MYO10: variants seen among roughly 807,000 people sequenced by gnomAD.
The protein encoded by MYO10 is myosin X, also known as unconventional myosin-X.
A neutral mutation model predicts 257.3 loss-of-function variants in MYO10; 133 were observed. The observed-to-expected ratio is 0.52, with a 90% CI of 0.45 to 0.60. The LOEUF is 0.60. Among genes scored for constraint, MYO10 ranks in the 20% least tolerant of loss-of-function variants. The pLI is 0.00. For synonymous variants in MYO10, 1,104 were observed against 1,028.6 expected, an observed-to-expected ratio of 1.07 and a Z score of -1.40; for missense variants, 2,399 against 2,635.7, an observed-to-expected ratio of 0.91 and a Z score of 1.97.
Position 16,699,585 on chromosome 5 carries a change from G to C in MYO10, c.3433-12C>G, listed in dbSNP as rs772239987. The C allele has an allele frequency of 3.1e-6, 5 of 1,613,276 alleles. No homozygotes were observed. The South Asian group carries it at 5.5e-5, about 18-fold the overall frequency. On this transcript the variant is annotated splice_polypyrimidine_tract_variant and intron_variant, in intron 25 of 40. Coordinates refer to ENST00000513610, the MANE Select transcript of MYO10 (RefSeq NM_012334.3). ...TCACTATCTTCAAACTGGACCGAGAGAGAGAAGCCAACGGTGAGGGAAAAG... is the reference window on the plus strand; with the variant it reads ...TCACTATCTTCAAACTGGACCGAGACAGAGAAGCCAACGGTGAGGGAAAAG...
chr5:16,724,064 G>C (rs74591025), intron 19 of MYO10, among the ~76,000 whole-genome samples: 2,789 of 152,292 alleles, frequency 0.018, 82 homozygotes, highest in African/African-American at 0.064. Context: ...CGGAACTTTA[G>C]AGCACTAGAA....
intron 3 of MYO10, chr5:16,815,358 C>A: frequency 1.5e-6 from 1 of 671,788 alleles, no homozygotes; most frequent in Non-Finnish European, 2.7e-6. Context: ...AAAATATTCC[C>A]AATGAGCATT....
chr5:16,885,555 C>T (rs1004347742), intron 1 of MYO10, among the ~76,000 whole-genome samples: 1 of 152,008 alleles, frequency 6.6e-6, no homozygotes, highest in African/African-American at 2.4e-5. Flanking sequence ...TGCCTGTAAT[C>T]CCAGCTACTT....
chr5:16,711,298 A>G (rs1041920032), intron 19 of MYO10, 53 bp from the exon 20 acceptor site: 63 of 1,558,442 alleles, frequency 4.0e-5, no homozygotes, highest in Non-Finnish European at 5.2e-5. Context: ...ATGGAATTCG[A>G]TAAGGGAGGC....
chr5:16,761,948 T>G, intron 16 of MYO10, 97 bp downstream of exon 16: 1 of 1,279,110 alleles, frequency 7.8e-7, no homozygotes, highest in Non-Finnish European at 1.1e-6. Context: ...TGAGCCACCA[T>G]GCCCAGCCCA....
At chr5:16,710,780 G>T in intron 21 of MYO10, 128 bp downstream of exon 21, 1 of 758,206 alleles carries the variant, frequency 1.3e-6, no homozygotes, top group Non-Finnish European at 2.1e-6. Flanking sequence ...GGTAGGCATG[G>T]CAACAGGAGT....
chr5:16,881,567 T>C (rs561393019), intron 1 of MYO10, among the ~76,000 whole-genome samples: 1 of 152,350 alleles, frequency 6.6e-6, no homozygotes, highest in East Asian at 1.9e-4. Flanking sequence ...ACAGCTGTCT[T>C]CCACAGGTGG....
Position 16,781,716 on chromosome 5 carries a change from C to A in MYO10, c.716G>T (p.Arg239Ile), listed in dbSNP as rs1211139136. 1 of 1,613,810 alleles carries A rather than the reference C, an allele frequency of 6.2e-7. No homozygotes were observed. The highest frequency in any genetic ancestry group is 1.1e-5 in the South Asian group (1 of 91,056). ...ATGAAAGAGGATACAATCTACAATTCTCCCGCCCTGAATATTTCCTTTCTG... is the reference window on the plus strand; with the variant it reads ...ATGAAAGAGGATACAATCTACAATTATCCCGCCCTGAATATTTCCTTTCTG... Reference protein sequence around the residue: ...ICQKGNIQGGRIVDYLLEKNR... With the variant: ...ICQKGNIQGGIIVDYLLEKNR... The change falls in exon 6 of 41, where the codon AGA becomes ATA. Residue 239 changes from arginine to isoleucine, a missense_variant. Physicochemically the swap from Arg to Ile is moderately conservative, Grantham distance 97. Coordinates refer to ENST00000513610, the MANE Select transcript of MYO10 (RefSeq NM_012334.3).
At chr5:16,799,296 T>C (rs1032860816) in intron 3 of MYO10, among the ~76,000 whole-genome samples, 3 of 152,042 alleles carry the variant, frequency 2.0e-5, no homozygotes, top group Non-Finnish European at 4.4e-5. Flanking sequence ...TTAGCAAAGG[T>C]GAAGACGCAA....
At chr5:16,782,929 C>T (rs1196688672) in intron 5 of MYO10, among the ~76,000 whole-genome samples, 3 of 152,208 alleles carry the variant, frequency 2.0e-5, no homozygotes, top group African/African-American at 4.8e-5. Flanking sequence ...ACGCTAAGCC[C>T]CCTTTTACAC....
intron 1 of MYO10, among the ~76,000 whole-genome samples, chr5:16,930,544 G>C (rs1746264311): frequency 6.6e-6 from 1 of 152,136 alleles, no homozygotes; most frequent in South Asian, 2.1e-4. Context: ...AGAACAAAAA[G>C]CTCTAAGGTC....
chr5:16,733,766 G>A (rs1332165101), intron 19 of MYO10, among the ~76,000 whole-genome samples: 1 of 152,190 alleles, frequency 6.6e-6, no homozygotes, highest in Non-Finnish European at 1.5e-5. Context: ...CGGGAGGTCA[G>A]GCAGCACTCA....
chr5:16,877,899 G>C (rs544418418), intron 1 of MYO10, among the ~76,000 whole-genome samples, 192 bp from the exon 2 acceptor site: 1 of 152,316 alleles, frequency 6.6e-6, no homozygotes, highest in Admixed American at 6.5e-5. Flanking sequence ...GTGTGACTGA[G>C]AGTCCCATCA....
intron 2 of MYO10, among the ~76,000 whole-genome samples, chr5:16,821,200 A>G (rs115174164): frequency 0.014 from 2,145 of 148,888 alleles, 16 homozygotes; most frequent in Middle Eastern, 0.032. Context: ...CATCCTATGT[A>G]ATTATCTTGC....
At chr5:16,677,904 G>A (rs26752) in intron 33 of MYO10, among the ~76,000 whole-genome samples, 9,591 of 151,942 alleles carry the variant, frequency 0.063, 1,003 homozygotes, top group African/African-American at 0.22. Flanking sequence ...GGGACTACAG[G>A]CACCTGCCAC....
In MYO10 at chr5:16,880,085, CAGG is replaced by C. The variant is rs370334330; in HGVS notation, c.22-2381_22-2379del. ...ATCCCAGCTTCTCAGGAGGCTGAGG[CAGG>C]AGAATTGCTTGAAACCAGGAGGCAG... On this transcript the variant is annotated intron_variant, in intron 1 of 40. Transcript: ENST00000513610. 3.5e-4 allele frequency among the ~76,000 whole-genome samples: 54 copies of C among 152,290 alleles called. No homozygotes were observed. In the East Asian group the frequency reaches 0.01, roughly 28 times the overall value.
chr5:16,744,565 G>A (rs1005933173), intron 19 of MYO10, among the ~76,000 whole-genome samples: 5 of 152,114 alleles, frequency 3.3e-5, no homozygotes, highest in Non-Finnish European at 5.9e-5. Flanking sequence ...CAGGCGCGGC[G>A]CAGGGCTTCC....
At chr5:16,752,679 C>T (rs1034290636) in intron 19 of MYO10, among the ~76,000 whole-genome samples, 1 of 152,194 alleles carries the variant, frequency 6.6e-6, no homozygotes, top group South Asian at 2.1e-4. Context: ...GGAGAGAACG[C>T]CATCGGATAC....
intron 2 of MYO10, among the ~76,000 whole-genome samples, chr5:16,863,924 T>C (rs755887877): frequency 6.6e-6 from 1 of 152,070 alleles, no homozygotes; most frequent in Non-Finnish European, 1.5e-5. Flanking sequence ...AAGGCAAAAC[T>C]TCATCACTAC....
Sources: gnomAD v4.1 joint callset for allele counts (sites outside exome capture counted in the v4.1 genomes callset) on GRCh38, gnomAD v4.1.1 for gene constraint, MANE v1.5 for transcripts, NCBI Gene and HGNC (gene_info 2026-07-23, HGNC 2026-07-21) for gene names.